MATN2: variants seen among roughly 807,000 people sequenced by gnomAD.
MATN2 encodes the protein matrilin 2.
Under a neutral mutation model 103.2 loss-of-function variants are expected in MATN2, and 69 were observed. The ratio of observed to expected loss-of-function variants is 0.67; its 90% CI spans 0.55 to 0.82. The LOEUF is 0.82. Ranked by LOEUF, MATN2 falls within the 40% of genes least tolerant of loss-of-function variation. The pLI, the probability that MATN2 is intolerant of heterozygous loss-of-function variation, is 0.00. For missense variants in MATN2, 1,023 were observed against 1,211.5 expected (o/e 0.84, Z 2.31); for synonymous variants, 429 against 450.2 (o/e 0.95, Z 0.60).
At chr8:97,961,239 TA>T (rs1811305211) in intron 4 of MATN2, among the ~76,000 whole-genome samples, 168 bp from the exon 5 acceptor site, 1 of 152,226 alleles carries the variant, frequency 6.6e-6, no homozygotes, top group Non-Finnish European at 1.5e-5. Flanking sequence ...TTCTTTTATC[TA>T]TTTTTTTATG....
rs199532725 is a variant in MATN2, at chr8:98,016,568, C to T, written c.1602C>T (p.His534=). Reference sequence around the variant, plus strand: ...TGGACTCTTGTGCTCTGGGGGACCACGGTTGTGAACATTCGTGTGTAAGCA... The same window carrying T: ...TGGACTCTTGTGCTCTGGGGGACCATGGTTGTGAACATTCGTGTGTAAGCA... The part of the protein sequence containing the change: ...AKLDSCALGD[H]GCEHSCVSSE... The change falls in exon 11 of 19, where the codon CAC becomes CAT. Residue 534 remains histidine (H), a synonymous_variant. Coordinates refer to ENST00000254898, the MANE Select transcript of MATN2 (RefSeq NM_002380.5). 92 of 1,610,390 alleles carry T rather than the reference C, an allele frequency of 5.7e-5. No individual in the cohort carries two copies. In the Middle Eastern group the frequency reaches 6.6e-4, roughly 12 times the overall value.
intron 4 of MATN2, among the ~76,000 whole-genome samples, chr8:97,949,536 C>T (rs980981170): frequency 1.3e-5 from 2 of 152,104 alleles, no homozygotes; most frequent in African/African-American, 2.4e-5. Flanking sequence ...AACTGGAATG[C>T]TCATACATCA....
intron 1 of MATN2, among the ~76,000 whole-genome samples, chr8:97,883,231 G>A (rs1255161960): frequency 2.0e-5 from 3 of 149,748 alleles, no homozygotes; most frequent in Non-Finnish European, 4.4e-5. Flanking sequence ...GTTGCAGTGA[G>A]CCAAGATTGC....
intron 6 of MATN2, among the ~76,000 whole-genome samples, chr8:97,987,063 G>C (rs958270850): frequency 2.6e-5 from 4 of 151,236 alleles, no homozygotes; most frequent in Non-Finnish European, 5.9e-5. Flanking sequence ...GGGTGGTCTC[G>C]AACTCCTGAA....
At chr8:97,892,354 A>G (rs1334646155) in intron 2 of MATN2, among the ~76,000 whole-genome samples, 2 of 142,390 alleles carry the variant, frequency 1.4e-5, no homozygotes, top group East Asian at 4.4e-4. Flanking sequence ...TCGAGGCTGC[A>G]TGAGTGAGCC....
chr8:98,022,878 A>C (rs948710358), intron 13 of MATN2, among the ~76,000 whole-genome samples: 4 of 152,200 alleles, frequency 2.6e-5, no homozygotes, highest in African/African-American at 7.2e-5. Context: ...ACCTGAGATC[A>C]GGAGTTCGAG....
Position 98,016,563 on chromosome 8 carries a change from G to A in MATN2, c.1597G>A (p.Asp533Asn), listed in dbSNP as rs766623442. Residue 533 changes from aspartate to asparagine, a missense_variant, in exon 11 of 19, where the codon GAC becomes AAC. Transcript: ENST00000254898. The part of the protein sequence containing the change: ...CAKLDSCALG[D>N]HGCEHSCVSS... ...AGAATTGGACTCTTGTGCTCTGGGG[G>A]ACCACGGTTGTGAACATTCGTGTGT... 5.6e-6 allele frequency: 9 copies of A among 1,610,024 alleles called. No individual in the cohort carries two copies. The highest frequency in any genetic ancestry group is 7.6e-6 in the Non-Finnish European group (9 of 1,177,884).
At chr8:97,937,891 T>G (rs898736377) in intron 3 of MATN2, among the ~76,000 whole-genome samples, 2 of 152,138 alleles carry the variant, frequency 1.3e-5, no homozygotes, top group Admixed American at 1.3e-4. Flanking sequence ...ATTTCCGCAA[T>G]TGATAGGTGA....
intron 1 of MATN2, among the ~76,000 whole-genome samples, chr8:97,873,304 C>G (rs775444677): frequency 1.3e-5 from 2 of 151,946 alleles, no homozygotes; most frequent in Non-Finnish European, 2.9e-5. Context: ...TAGGGCTTCT[C>G]CCTGTACCCT....
intron 6 of MATN2, among the ~76,000 whole-genome samples, chr8:97,979,916 T>C (rs1392588313): frequency 2.0e-5 from 3 of 152,220 alleles, no homozygotes; most frequent in Non-Finnish European, 4.4e-5. Context: ...CAACATAAAC[T>C]TACTTCCTAC....
At chr8:97,924,654 C>T (rs1809926870) in intron 2 of MATN2, among the ~76,000 whole-genome samples, 1 of 152,014 alleles carries the variant, frequency 6.6e-6, no homozygotes, top group Non-Finnish European at 1.5e-5. Flanking sequence ...TGGGAACCAT[C>T]AGTGGCTTGA....
At chr8:97,928,959 C>T (rs1810085486) in intron 2 of MATN2, among the ~76,000 whole-genome samples, 1 of 152,180 alleles carries the variant, frequency 6.6e-6, no homozygotes. Flanking sequence ...AATCAAATCA[C>T]ACCAAGTGAC....
chr8:98,033,530 A>G (rs914443783), intron 17 of MATN2, 31 bp from the exon 18 acceptor site: 1 of 1,226,680 alleles, frequency 8.2e-7, no homozygotes, highest in South Asian at 1.4e-5. Context: ...GGTGGATTCT[A>G]GAGGTGAACA....
At chr8:97,908,113 G>A (rs971391578) in intron 2 of MATN2, among the ~76,000 whole-genome samples, 1 of 152,166 alleles carries the variant, frequency 6.6e-6, no homozygotes, top group Non-Finnish European at 1.5e-5. Context: ...CCTGCTCACA[G>A]GGGGATTGCT....
chr8:97,919,927 C>T lies in MATN2; in HGVS notation c.143-11026C>T, dbSNP rs149669116. On this transcript the variant is annotated intron_variant, in intron 2 of 18. Coordinates refer to ENST00000254898, the MANE Select transcript of MATN2 (RefSeq NM_002380.5). ...GAATGGCCCATTAAGGAAAGGTTTT[C>T]AAAATAGGTGACCACAGGGCTGAGT... is the stretch of plus-strand genomic sequence containing the variant. Among the ~76,000 whole-genome samples, 15 of 152,286 alleles carry T rather than the reference C, an allele frequency of 9.8e-5. No homozygotes were observed. In the East Asian group the frequency reaches 2.9e-3, roughly 29 times the overall value.
At chr8:98,034,546 G>A (rs764861232) in intron 18 of MATN2, among the ~76,000 whole-genome samples, 5 of 152,128 alleles carry the variant, frequency 3.3e-5, no homozygotes, top group African/African-American at 7.2e-5. Context: ...GTTAATTGAC[G>A]AATATGGGCT....
intron 4 of MATN2, among the ~76,000 whole-genome samples, chr8:97,956,965 A>C (rs1437149171): frequency 6.6e-6 from 1 of 152,194 alleles, no homozygotes; most frequent in Non-Finnish European, 1.5e-5. Context: ...GACCAAATAC[A>C]TGTGCTAGGA....
intron 4 of MATN2, among the ~76,000 whole-genome samples, chr8:97,960,309 A>G (rs1244773680): frequency 6.6e-6 from 1 of 152,098 alleles, no homozygotes; most frequent in Non-Finnish European, 1.5e-5. Flanking sequence ...AACCCCTTTA[A>G]TGCTCTCTGA....
In MATN2 at chr8:98,016,617, T is replaced by G; in HGVS notation, c.1651T>G (p.Cys551Gly). 1 of 1,612,428 alleles carries G rather than the reference T, an allele frequency of 6.2e-7. No homozygotes were observed. Among genetic ancestry groups the G allele is most frequent in the Non-Finnish European group, 8.5e-7 (1 of 1,179,152 alleles). ...CAGTGAAGATTCGTTTGTGTGCCAG[T>G]GCTTTGAAGGTTATATACTCCGTGA... Reference protein sequence around the residue: ...VSSEDSFVCQCFEGYILREDG... With the variant: ...VSSEDSFVCQGFEGYILREDG... Residue 551 changes from cysteine (C) to glycine (G), a missense_variant, in exon 11 of 19, where the codon TGC becomes GGC. Physicochemically the swap from Cys to Gly is radical, Grantham distance 159 (BLOSUM62 -3). Coordinates refer to ENST00000254898, the MANE Select transcript of MATN2 (RefSeq NM_002380.5).
Sources: gnomAD v4.1 joint callset for allele counts (sites outside exome capture counted in the v4.1 genomes callset) on GRCh38, gnomAD v4.1.1 for gene constraint, MANE v1.5 for transcripts, NCBI Gene and HGNC (gene_info 2026-07-23, HGNC 2026-07-21) for gene names.